Variants in PRKAB1 observed in about 807,000 individuals in gnomAD.
The protein encoded by PRKAB1 is 5'-AMP-activated protein kinase subunit beta-1.
PRKAB1 carries 18 observed loss-of-function variants against 32.0 expected under a neutral mutation model. That is an observed-to-expected ratio of 0.56 (90% confidence interval 0.39 to 0.83). The LOEUF (loss-of-function observed/expected upper bound fraction) is 0.83, where lower values mean the gene tolerates loss of function less well. Among genes scored for constraint, PRKAB1 ranks in the 40% least tolerant of loss-of-function variants. The probability of loss-of-function intolerance (pLI) is 0.00; values close to 1 mark genes in which losing one functional copy is unlikely to be tolerated. For missense variants in PRKAB1, 263 were observed against 352.6 expected (o/e 0.75, Z 2.03); for synonymous variants, 141 against 141.4 (o/e 1.00, Z 0.02).
Position 119,676,680 on chromosome 12 carries a change from TG to T in PRKAB1, c.666+13del. ...GGACACGGGGATTTCCGTAAGTATG[TG>T]GGCATCTGCCCGGACCATCCGCCGT... On this transcript the variant is annotated intron_variant, in intron 5 of 6. Coordinates refer to ENST00000229328, the MANE Select transcript of PRKAB1 (RefSeq NM_006253.5). 1.9e-6 allele frequency: 3 copies of T among 1,613,468 alleles called. No individual in the cohort carries two copies. In the East Asian group the frequency reaches 6.7e-5, roughly 36 times the overall value.
At chr12:119,671,966 A>C (rs1271323749) in intron 1 of PRKAB1, among the ~76,000 whole-genome samples, 1 of 152,228 alleles carries the variant, frequency 6.6e-6, no homozygotes, top group African/African-American at 2.4e-5. Flanking sequence ...ACATGACATT[A>C]AGCTAGTCTT....
chr12:119,679,826 G>A lies in PRKAB1; in HGVS notation c.667-107G>A, dbSNP rs751044817. 7 of 1,218,224 alleles carry A rather than the reference G, an allele frequency of 5.7e-6. No individual in the cohort carries two copies. The highest frequency in any genetic ancestry group is 3.4e-5 in the Admixed American group (2 of 58,280). 75.5% of individuals were successfully genotyped at this position (1,218,224 alleles called of 1,614,324 possible). A position where few individuals can be genotyped will look rare whatever the true frequency, so the allele number is the denominator to read the frequency against. The stretch of plus-strand genomic sequence containing the variant: ...GCTGCCTGATTTGGGAAGAGAGGTC[G>A]GCCTGAGCGCTGCCTCCTGTCCTTT... On this transcript the variant is annotated intron_variant, in intron 5 of 6. Coordinates refer to ENST00000229328, the MANE Select transcript of PRKAB1 (RefSeq NM_006253.5). This position sits in a 1 kb window ranked among gnomAD's most constrained non-coding sequence, Gnocchi z 4.1.
upstream of PRKAB1, chr12:119,667,984 G>C: frequency 2.1e-6 from 1 of 477,516 alleles, no homozygotes; most frequent in Non-Finnish European, 3.6e-6. Flanking sequence ...TGGTGAAGCG[G>C]TTGGGAAAGT....
intron 5 of PRKAB1, among the ~76,000 whole-genome samples, chr12:119,677,130 C>T (rs1273756070): frequency 2.6e-5 from 4 of 152,236 alleles, no homozygotes; most frequent in Non-Finnish European, 5.9e-5. Context: ...GTGTGTCCTC[C>T]TGGATCTTGA....
At chr12:119,668,856 T>C (rs1040967719) in intron 1 of PRKAB1, among the ~76,000 whole-genome samples, 8 of 152,200 alleles carry the variant, frequency 5.3e-5, no homozygotes, top group Non-Finnish European at 1.0e-4. Flanking sequence ...CAGGTACATA[T>C]ACAAGCTGAA....
At chr12:119,673,686 C>T in intron 2 of PRKAB1, 1 of 294,504 alleles carries the variant, frequency 3.4e-6, no homozygotes, top group Non-Finnish European at 6.2e-6. Flanking sequence ...TTGAGACGCA[C>T]AAATGCCTGA....
At chr12:119,668,958 G>A (rs1264802929) in intron 1 of PRKAB1, among the ~76,000 whole-genome samples, 2 of 152,036 alleles carry the variant, frequency 1.3e-5, no homozygotes, top group African/African-American at 4.8e-5. Context: ...AAAGACGGTG[G>A]TCTCACTAAT....
intron 1 of PRKAB1, among the ~76,000 whole-genome samples, chr12:119,668,903 GT>G (rs1029331106): frequency 1.3e-5 from 2 of 152,152 alleles, no homozygotes; most frequent in Non-Finnish European, 2.9e-5. Context: ...TGCCAGAGGT[GT>G]TTAGTTCTGC....
intron 1 of PRKAB1, among the ~76,000 whole-genome samples, chr12:119,669,121 A>AT (rs925783590): frequency 6.7e-5 from 10 of 150,022 alleles, no homozygotes; most frequent in African/African-American, 2.5e-4. Context: ...CGTCTCAAAA[A>AT]AAAAATATAA....
rs547858001 is a variant in PRKAB1 at position 119,674,565 on chromosome 12, C to T, written c.532+111C>T. 3 of 705,458 alleles carry T rather than the reference C, an allele frequency of 4.3e-6. No individual in the cohort carries two copies. Among genetic ancestry groups the T allele is most frequent in the Non-Finnish European group, 6.9e-6 (3 of 432,920 alleles). 43.7% of individuals were successfully genotyped at this position (705,458 alleles called of 1,614,324 possible). The stretch of plus-strand genomic sequence containing the variant: ...AGCTGAAGCTGCCCAGTCAGATAGG[C>T]ATTTATAGCCCCCACTTAAAGGCCA... On this transcript the variant is annotated intron_variant, in intron 4 of 6. Coordinates refer to ENST00000229328, the MANE Select transcript of PRKAB1 (RefSeq NM_006253.5). The surrounding 1 kb of genome is among the most constrained non-coding windows in gnomAD (Gnocchi z 4.3).
chr12:119,669,180 C>G (rs1285308023), intron 1 of PRKAB1, among the ~76,000 whole-genome samples: 1 of 151,610 alleles, frequency 6.6e-6, no homozygotes, highest in East Asian at 1.9e-4. Flanking sequence ...AGGCTGGTCT[C>G]GAACTCCCGG....
Position 119,680,161 on chromosome 12 carries a change from G to T in PRKAB1, c.736-87G>T, listed in dbSNP as rs929081748. 10 of 1,511,166 alleles carry T rather than the reference G, an allele frequency of 6.6e-6. No homozygotes were observed. In the African/African-American group the frequency reaches 1.2e-4, roughly 19 times the overall value. The allele number at this position is 1,511,166 out of a possible 1,614,324, so 93.6% of individuals were successfully genotyped here. A position where few individuals can be genotyped will look rare whatever the true frequency, so the allele number is the denominator to read the frequency against. ...TCTGAAGCTGGCCCGGGAATTTGTG[G>T]TTTTATGAAGCCCTTAATGATTCTC... On this transcript the variant is annotated intron_variant, in intron 6 of 6. Coordinates refer to ENST00000229328, the MANE Select transcript of PRKAB1 (RefSeq NM_006253.5).
chr12:119,670,949 C>T (rs1417520333), intron 1 of PRKAB1, among the ~76,000 whole-genome samples: 1 of 152,168 alleles, frequency 6.6e-6, no homozygotes, highest in Non-Finnish European at 1.5e-5. Flanking sequence ...GAGTCTTTTC[C>T]AGCCTGAACC....
chr12:119,673,210 A>G (rs1030828529), intron 2 of PRKAB1, among the ~76,000 whole-genome samples: 5 of 152,274 alleles, frequency 3.3e-5, no homozygotes, highest in African/African-American at 4.8e-5. Context: ...AGCCTGGGCA[A>G]CAGAGCAAGA....
chr12:119,671,511 G>A (rs755298315), intron 1 of PRKAB1: 2 of 418,088 alleles, frequency 4.8e-6, no homozygotes, highest in South Asian at 3.4e-5. Flanking sequence ...AGAAGAGAAT[G>A]AGAGCAAGCA....
rs1955450581 is a variant in PRKAB1, at chr12:119,679,778, TGTC to T, written c.667-151_667-149del. ...CAGAAGGCGTGACCTTCATCTCACC[TGTC>T]GTCTTGGACAAGCCCTTGCGCTGCC... On this transcript the variant is annotated intron_variant, in intron 5 of 6. Coordinates refer to ENST00000229328, the MANE Select transcript of PRKAB1 (RefSeq NM_006253.5). The surrounding 1 kb of genome is among the most constrained non-coding windows in gnomAD (Gnocchi z 4.1). 1.4e-6 allele frequency: 1 copy of T among 730,834 alleles called. No homozygotes were observed. The highest frequency in any genetic ancestry group is 2.7e-5 in the East Asian group (1 of 36,570). The allele number at this position is 730,834 out of a possible 1,614,324, so 45.3% of individuals were successfully genotyped here. A position where few individuals can be genotyped will look rare whatever the true frequency, so the allele number is the denominator to read the frequency against.
At position 119,674,295 on chromosome 12, in the gene PRKAB1, G is replaced by A. The variant is rs551926660; in HGVS notation, c.418-45G>A. On this transcript the variant is annotated intron_variant, in intron 3 of 6. Coordinates refer to ENST00000229328, the MANE Select transcript of PRKAB1 (RefSeq NM_006253.5). The surrounding 1 kb of genome is among the most constrained non-coding windows in gnomAD (Gnocchi z 4.3). ...TCCAAGTCCTCTGAAGAATAACTCC[G>A]CAGACCTTCCACGTTATGATTTCTG... 3.4e-5 allele frequency: 49 copies of A among 1,462,392 alleles called. 1 individual carries two copies. Among genetic ancestry groups the A allele is most frequent in the African/African-American group, 1.9e-4 (14 of 71,832 alleles). The allele number at this position is 1,462,392 out of a possible 1,614,324, so 90.6% of individuals were successfully genotyped here. A position where few individuals can be genotyped will look rare whatever the true frequency, so the allele number is the denominator to read the frequency against.
intron 2 of PRKAB1, 71 bp downstream of exon 2, chr12:119,672,535 G>A: frequency 7.2e-7 from 1 of 1,397,498 alleles, no homozygotes; most frequent in Non-Finnish European, 9.5e-7. Flanking sequence ...ATCTCTGAGA[G>A]AGAACAGAAA....
chr12:119,672,710 C>G (rs1453207293), intron 2 of PRKAB1, among the ~76,000 whole-genome samples: 1 of 152,170 alleles, frequency 6.6e-6, no homozygotes. Flanking sequence ...GCTATCTGTT[C>G]GGTCAGGACT....
Sources: allele counts gnomAD v4.1 joint callset (sites outside exome capture counted in the v4.1 genomes callset), GRCh38; gene constraint gnomAD v4.1.1; non-coding constraint Gnocchi (gnomAD v3.1); transcripts MANE v1.5; gene names NCBI Gene and HGNC (gene_info 2026-07-23, HGNC 2026-07-21).